Variants in COL6A2 observed in about 807,000 individuals in gnomAD.
COL6A2 encodes the protein collagen type VI alpha 2 chain.
COL6A2 carries 90 observed loss-of-function variants against 124.9 expected under a neutral mutation model. The ratio of observed to expected loss-of-function variants is 0.72; its 90% CI spans 0.61 to 0.86. The LOEUF (loss-of-function observed/expected upper bound fraction) is 0.86, where lower values mean the gene tolerates loss of function less well. Among genes scored for constraint, COL6A2 ranks in the 40% least tolerant of loss-of-function variants. The probability of loss-of-function intolerance (pLI) is 0.00; values close to 1 mark genes in which losing one functional copy is unlikely to be tolerated. For synonymous variants in COL6A2, 793 were observed against 618.2 expected (o/e 1.28, Z -4.19); for missense variants, 1,607 against 1,502.5 (o/e 1.07, Z -1.15).
intron 18 of COL6A2, 144 bp downstream of exon 18, chr21:46,121,762 G>C: frequency 2.4e-6 from 2 of 820,522 alleles, no homozygotes; most frequent in Non-Finnish European, 4.0e-6. Context: ...GCTCTGGAGT[G>C]AGGGGATGCC....
At chr21:46,120,121 C>CCAGCCCCCACTGA (rs2078538381) in intron 15 of COL6A2, among the ~76,000 whole-genome samples, 2 of 15,600 alleles carry the variant, frequency 1.3e-4, no homozygotes, top group Non-Finnish European at 2.9e-4. Context: ...TCACACCCCC[C>CCAGCCCCCACTGA]GGCCCCCACT....
At chr21:46,107,722 C>T (rs2078349523) in intron 1 of COL6A2, among the ~76,000 whole-genome samples, 1 of 152,186 alleles carries the variant, frequency 6.6e-6, no homozygotes, top group African/African-American at 2.4e-5. Flanking sequence ...TTTAGACAAA[C>T]TCAACCAATT....
rs2078481057 is a variant in COL6A2, at chr21:46,116,926, T to TGC, written c.999+112_999+113insGC. The TGC allele has an allele frequency of 6.3e-6, 4 of 639,232 alleles. No individual in the cohort carries two copies. Among genetic ancestry groups the TGC allele is most frequent in the South Asian group, 5.5e-5 (3 of 55,006 alleles). The allele number at this position is 639,232 out of a possible 1,614,324, so 39.6% of individuals were successfully genotyped here. ...CAGCTTACACATGTGTACACACGCATACACACACACACACACACACACACA... is the reference window on the plus strand; with the variant it reads ...CAGCTTACACATGTGTACACACGCATGCACACACACACACACACACACACACA... On this transcript the variant is annotated intron_variant, in intron 10 of 27. Coordinates refer to ENST00000300527, the MANE Select transcript of COL6A2 (RefSeq NM_001849.4). The surrounding 1 kb of genome is among the most constrained non-coding windows in gnomAD (Gnocchi z 4.6).
At chr21:46,130,288 C>T (rs573321847) in intron 27 of COL6A2, among the ~76,000 whole-genome samples, 5 of 152,352 alleles carry the variant, frequency 3.3e-5, no homozygotes, top group African/African-American at 9.6e-5. Flanking sequence ...CCAGGCACAA[C>T]CTCTGCGGTC....
In COL6A2 at chr21:46,122,507, C is replaced by A. The variant is rs566854019; in HGVS notation, c.1584C>A (p.Gly528=). ...PGPRGAPGEK[G]EPGPRGPEGG... ...TGTTTGCTTCACAGGGAGAAAAAGG[C>A]GAGCCCGGCCCACGCGGCCCCGAGG... Residue 528 remains glycine, a synonymous_variant, in exon 20 of 28, where the codon GGC becomes GGA. Coordinates refer to ENST00000300527, the MANE Select transcript of COL6A2 (RefSeq NM_001849.4). 3 of 1,612,774 alleles carry A rather than the reference C, an allele frequency of 1.9e-6. No homozygotes were observed. In the South Asian group the frequency reaches 3.3e-5, roughly 18 times the overall value.
chr21:46,111,644 C>T, intron 2 of COL6A2, 53 bp downstream of exon 2: 1 of 533,444 alleles, frequency 1.9e-6, no homozygotes, highest in East Asian at 3.1e-5. Context: ...CAGTTGGGAC[C>T]AGTACCCAGG....
intron 1 of COL6A2, among the ~76,000 whole-genome samples, chr21:46,103,362 A>G (rs2078306601): frequency 6.6e-6 from 1 of 152,094 alleles, no homozygotes; most frequent in Non-Finnish European, 1.5e-5. Flanking sequence ...TTATCTTTTC[A>G]AAGAACCAAC....
intron 1 of COL6A2, among the ~76,000 whole-genome samples, chr21:46,098,424 C>T (rs1403147186): frequency 6.8e-6 from 1 of 147,940 alleles, no homozygotes; most frequent in Non-Finnish European, 1.5e-5. Context: ...CTCCCCGCGG[C>T]CTCCTCTGGG....
In COL6A2 at chr21:46,132,726, G is replaced by A. The variant is rs1264465085; in HGVS notation, c.*174G>A. On this transcript the variant is annotated 3_prime_UTR_variant, in exon 28 of 28. Coordinates refer to ENST00000300527, the MANE Select transcript of COL6A2 (RefSeq NM_001849.4). Reference sequence around the variant, plus strand: ...TAGCCCCGGCCCCCGCCCAGCCCCAGGTCTCCCCAGGCCCTCCGCAGGCTG... The same window carrying A: ...TAGCCCCGGCCCCCGCCCAGCCCCAAGTCTCCCCAGGCCCTCCGCAGGCTG... 9 of 663,750 alleles carry A rather than the reference G, an allele frequency of 1.4e-5. No individual in the cohort carries two copies. The highest frequency in any genetic ancestry group is 2.6e-5 in the Admixed American group (1 of 37,880). The allele number at this position is 663,750 out of a possible 1,614,324, so 41.1% of individuals were successfully genotyped here.
chr21:46,118,590 G>A lies in COL6A2; in HGVS notation c.1117-24G>A, dbSNP rs536672010. The A allele has an allele frequency of 5.6e-6, 9 of 1,612,000 alleles. No homozygotes were observed. In the Admixed American group the frequency reaches 1.5e-4, roughly 27 times the overall value. ...CCCCTTCCCCTGCCAAAAGACGTGAGGCTGATTCTGCAAACCCTTCCAGGG... is the reference window on the plus strand; with the variant it reads ...CCCCTTCCCCTGCCAAAAGACGTGAAGCTGATTCTGCAAACCCTTCCAGGG... On this transcript the variant is annotated intron_variant, in intron 12 of 27. Coordinates refer to ENST00000300527, the MANE Select transcript of COL6A2 (RefSeq NM_001849.4).
intron 27 of COL6A2, among the ~76,000 whole-genome samples, chr21:46,127,591 G>A (rs993489358): frequency 6.6e-6 from 1 of 152,182 alleles, no homozygotes; most frequent in East Asian, 1.9e-4. Context: ...CAGCAGCAGG[G>A]GCACCTGGAC....
chr21:46,120,115 A>C (rs2078537963), intron 15 of COL6A2, among the ~76,000 whole-genome samples: 35 of 129,138 alleles, frequency 2.7e-4, no homozygotes, highest in South Asian at 1.1e-3. Flanking sequence ...CACCACTCAC[A>C]CCCCCCGGCC....
chr21:46,120,316 C>T (rs2078543695), intron 15 of COL6A2, among the ~76,000 whole-genome samples, 199 bp from the exon 16 acceptor site: 1 of 152,164 alleles, frequency 6.6e-6, no homozygotes. Context: ...GACCGAGAGA[C>T]ACCGTGCTCA....
At chr21:46,118,398 C>T (rs1165089913) in intron 12 of COL6A2, among the ~76,000 whole-genome samples, 1 of 152,192 alleles carries the variant, frequency 6.6e-6, no homozygotes, top group African/African-American at 2.4e-5. Flanking sequence ...GTCCTCTGAG[C>T]AGATGCACAG....
chr21:46,112,853 C>G (rs889223660), intron 4 of COL6A2, 29 bp downstream of exon 4: 1 of 1,613,254 alleles, frequency 6.2e-7, no homozygotes, highest in Non-Finnish European at 8.5e-7. Flanking sequence ...CCTGCCAGTG[C>G]TGGCCGGCAG....
chr21:46,120,984 T>A, intron 16 of COL6A2, 77 bp from the exon 17 acceptor site: 8 of 1,384,916 alleles, frequency 5.8e-6, no homozygotes, highest in Non-Finnish European at 8.2e-6. Flanking sequence ...CCCTGCAGTG[T>A]CCACAGGATT....
intron 4 of COL6A2, 74 bp downstream of exon 4, chr21:46,112,898 A>G: frequency 6.3e-7 from 1 of 1,585,112 alleles, no homozygotes; most frequent in African/African-American, 1.3e-5. Flanking sequence ...CAGGCTGCCG[A>G]CTCCTGGCGC....
At chr21:46,128,819 C>A in intron 27 of COL6A2, 1 of 1,136,068 alleles carries the variant, frequency 8.8e-7, no homozygotes, top group Non-Finnish European at 1.3e-6. Flanking sequence ...CTCAGGCGGG[C>A]TCTTGAGGGG....
chr21:46,122,911 G>T lies in COL6A2; in HGVS notation c.1645G>T (p.Gly549Trp), dbSNP rs773629714. 1.2e-6 allele frequency: 2 copies of T among 1,613,318 alleles called. No homozygotes were observed. The highest frequency in any genetic ancestry group is 1.7e-6 in the Non-Finnish European group (2 of 1,179,912). The change falls in exon 21 of 28, where the codon GGG (glycine) becomes TGG (tryptophan). Residue 549 changes from glycine to tryptophan, a missense_variant. Around this residue, in one of 3 missense-constraint regions of COL6A2, gnomAD observed 1,223 missense variants for 1,052.2 expected, o/e 1.16. Coordinates refer to ENST00000300527, the MANE Select transcript of COL6A2 (RefSeq NM_001849.4). ...CGACTTTGGCTTGAAAGGAGAACCT[G>T]GGAGGAAAGGAGAGAAAGGAGAGCC... ...RGDFGLKGEP[G>W]RKGEKGEPAD...
Sources: allele counts gnomAD v4.1 joint callset (sites outside exome capture counted in the v4.1 genomes callset), GRCh38; gene constraint gnomAD v4.1.1; regional missense constraint gnomAD v4.1.1; non-coding constraint Gnocchi (gnomAD v3.1); transcripts MANE v1.5; gene names NCBI Gene and HGNC (gene_info 2026-07-23, HGNC 2026-07-21).